The following TULP4 variants were observed in gnomAD, a reference collection of about 807,000 sequenced individuals.
TULP4 encodes the protein tubby-related protein 4.
In TULP4, 16 loss-of-function variants were observed where a neutral mutation model predicts 129.0. The ratio of observed to expected loss-of-function variants is 0.12; its 90% CI spans 0.08 to 0.19. The LOEUF is 0.19. Ranked by LOEUF, TULP4 falls within the 10% of genes least tolerant of loss-of-function variation. The pLI is 1.00. For synonymous variants in TULP4, 998 were observed against 854.0 expected, an observed-to-expected ratio of 1.17 and a Z score of -2.94; for missense variants, 1,842 against 2,059.1, an observed-to-expected ratio of 0.89 and a Z score of 2.04.
At chr6:158,269,820 G>A (rs572673786) in intron 1 of TULP4, among the ~76,000 whole-genome samples, 2 of 152,318 alleles carry the variant, frequency 1.3e-5, no homozygotes, top group East Asian at 1.9e-4. Flanking sequence ...GGAAATGAAG[G>A]TGTTTGAAAA....
rs1487462256 is a variant in TULP4, at chr6:158,493,017, C to T, written c.1632-556C>T. Among the ~76,000 whole-genome samples, 1 of 152,208 alleles carries T rather than the reference C, an allele frequency of 6.6e-6. No homozygotes were observed. The highest frequency in any genetic ancestry group is 2.4e-5 in the African/African-American group (1 of 41,444). ...CAGAAGAAATTATAAGAATCACTGGCATTAGGGTAAGAAATGACTTGTTCC... is the reference window on the plus strand; with the variant it reads ...CAGAAGAAATTATAAGAATCACTGGTATTAGGGTAAGAAATGACTTGTTCC... On this transcript the variant is annotated intron_variant, in intron 9 of 13. Transcript: ENST00000367097. The surrounding 1 kb of genome is among the most constrained non-coding windows in gnomAD (Gnocchi z 4.4).
intron 6 of TULP4, among the ~76,000 whole-genome samples, chr6:158,465,103 C>T (rs1779525872): frequency 6.6e-6 from 1 of 152,154 alleles, no homozygotes; most frequent in Admixed American, 6.5e-5. Flanking sequence ...GCCTAAACCC[C>T]AAAGGGATGG....
At chr6:158,234,872 A>C (rs1484005408) in intron 1 of TULP4, among the ~76,000 whole-genome samples, 1 of 152,242 alleles carries the variant, frequency 6.6e-6, no homozygotes, top group Non-Finnish European at 1.5e-5. Flanking sequence ...CATACCATAA[A>C]ATTTATCATC....
intron 1 of TULP4, among the ~76,000 whole-genome samples, chr6:158,340,524 C>G (rs538368664): frequency 6.6e-6 from 1 of 152,064 alleles, no homozygotes; most frequent in Non-Finnish European, 1.5e-5. Flanking sequence ...CAGAGTTGAC[C>G]GTACTGCTCC....
At chr6:158,232,273 C>G (rs1460980223) in exon 1 of TULP4, 1 of 148,184 alleles carries the variant, frequency 6.7e-6, no homozygotes, top group African/African-American at 2.4e-5. Context: ...CACGGAGGAG[C>G]CGCTGGGGCT....
chr6:158,266,071 T>C (rs9366083), intron 1 of TULP4, among the ~76,000 whole-genome samples: 50,024 of 152,100 alleles, frequency 0.33, 9,230 homozygotes, highest in Admixed American at 0.45. Context: ...GCTTCCACCA[T>C]TGTTATAACT....
At chr6:158,482,089 G>T (rs369544153) in intron 8 of TULP4, among the ~76,000 whole-genome samples, 1 of 152,210 alleles carries the variant, frequency 6.6e-6, no homozygotes. Context: ...GTGGGCCTGG[G>T]GGGAGAGAAC....
At chr6:158,263,427 C>T (rs1312245097) in intron 1 of TULP4, among the ~76,000 whole-genome samples, 1 of 152,278 alleles carries the variant, frequency 6.6e-6, no homozygotes, top group South Asian at 2.1e-4. Flanking sequence ...CTGCTAAAGA[C>T]TTTATTCCTT....
intron 2 of TULP4, among the ~76,000 whole-genome samples, chr6:158,417,296 T>A (rs1468744003): frequency 6.6e-6 from 1 of 152,156 alleles, no homozygotes; most frequent in Non-Finnish European, 1.5e-5. Context: ...ATTGAGGGTT[T>A]GGAGCAGATA....
intron 8 of TULP4, among the ~76,000 whole-genome samples, chr6:158,483,655 G>A (rs956040908): frequency 4.6e-5 from 7 of 152,054 alleles, no homozygotes; most frequent in African/African-American, 7.3e-5. Flanking sequence ...CATTGAGGCC[G>A]CCATATCATT....
rs1413065200 is a variant in TULP4 at position 158,312,936 on chromosome 6, C to T, written c.-1081C>T. 1 of 152,162 alleles carries T rather than the reference C, an allele frequency of 6.6e-6. No individual in the cohort carries two copies. Among genetic ancestry groups the T allele is most frequent in the African/African-American group, 2.4e-5 (1 of 41,412 alleles). The allele number at this position is 152,162 out of a possible 1,614,324, so 9.4% of individuals were successfully genotyped here. A position where few individuals can be genotyped will look rare whatever the true frequency, so the allele number is the denominator to read the frequency against. The stretch of plus-strand genomic sequence containing the variant: ...TAAGGGATTAACTTCCCTGTCAAGT[C>T]CAAGAAGACTTGCGTATGAGAAGAT... On this transcript the variant is annotated 5_prime_UTR_variant, in exon 1 of 14. Coordinates refer to ENST00000367097, the MANE Select transcript of TULP4 (RefSeq NM_020245.5).
chr6:158,441,187 G>A (rs765572145), intron 3 of TULP4, among the ~76,000 whole-genome samples: 13 of 152,050 alleles, frequency 8.5e-5, no homozygotes, highest in Non-Finnish European at 1.6e-4. Context: ...GATGGTGCAC[G>A]GCTGTAATCC....
chr6:158,328,118 G>T (rs1214495815), intron 1 of TULP4, among the ~76,000 whole-genome samples: 2 of 80,042 alleles, frequency 2.5e-5, no homozygotes, highest in Non-Finnish European at 6.2e-5. Context: ...GTGTGTGTGT[G>T]TGTGTGTGTG....
chr6:158,346,608 T>TA (rs1780318588), intron 1 of TULP4, among the ~76,000 whole-genome samples: 1 of 152,146 alleles, frequency 6.6e-6, no homozygotes, highest in Admixed American at 6.5e-5. Flanking sequence ...GCTTATCAAA[T>TA]AAAAAAAGCA....
intron 1 of TULP4, among the ~76,000 whole-genome samples, chr6:158,385,974 A>G (rs1430628727): frequency 2.0e-5 from 3 of 150,794 alleles, no homozygotes; most frequent in Non-Finnish European, 4.4e-5. Context: ...CCTCCTGAAT[A>G]ACTGGGACTA....
At chr6:158,290,214 T>C (rs1421209606) in intron 1 of TULP4, among the ~76,000 whole-genome samples, 1 of 152,252 alleles carries the variant, frequency 6.6e-6, no homozygotes, top group Non-Finnish European at 1.5e-5. Flanking sequence ...CTTTTAGTAA[T>C]AGCCATTTTA....
intron 1 of TULP4, among the ~76,000 whole-genome samples, chr6:158,339,490 G>T (rs4441969): frequency 0.86 from 130,984 of 152,112 alleles, 56,829 homozygotes; most frequent in South Asian, 0.93. Flanking sequence ...TGGGGGTGCT[G>T]CAGGAGACTA....
chr6:158,347,354 G>A (rs1425364464), intron 1 of TULP4, among the ~76,000 whole-genome samples: 1 of 152,142 alleles, frequency 6.6e-6, no homozygotes, highest in Non-Finnish European at 1.5e-5. Context: ...ATATATACAT[G>A]TTTCTAAGGC....
Position 158,300,970 on chromosome 6 carries a change from C to T in TULP4, n.117-11081C>T, listed in dbSNP as rs371833567. Among the ~76,000 whole-genome samples, 143 of 152,280 alleles carry T rather than the reference C, an allele frequency of 9.4e-4. 3 individuals carry two copies. The South Asian group carries it at 0.026, about 28-fold the overall frequency. On this transcript the variant is annotated intron_variant and non_coding_transcript_variant, in intron 1 of 1. Transcript: ENST00000432358. ...TTCTCGGATTGCAATAGAGACCAGTCGACCTTATCGTTACCAGCAGACATG... is the reference window on the plus strand; with the variant it reads ...TTCTCGGATTGCAATAGAGACCAGTTGACCTTATCGTTACCAGCAGACATG...
Sources: allele counts gnomAD v4.1 joint callset (sites outside exome capture counted in the v4.1 genomes callset), GRCh38; gene constraint gnomAD v4.1.1; non-coding constraint Gnocchi (gnomAD v3.1); transcripts MANE v1.5; gene names NCBI Gene and HGNC (gene_info 2026-07-23, HGNC 2026-07-21).